Variants in GRIN2B observed in about 807,000 individuals in gnomAD.
GRIN2B encodes glutamate receptor ionotropic, NMDA 2B.
In GRIN2B, 5 loss-of-function variants were observed where a neutral mutation model predicts 114.5. That is an observed-to-expected ratio of 0.04 (90% CI 0.02 to 0.09). The LOEUF is 0.09. Ranked by LOEUF, GRIN2B falls within the 10% of genes least tolerant of loss-of-function variation. The probability of loss-of-function intolerance (pLI) is 1.00; values close to 1 mark genes in which losing one functional copy is unlikely to be tolerated. For missense variants in GRIN2B, 1,108 were observed against 1,943.5 expected, an observed-to-expected ratio of 0.57 and a Z score of 8.08; for synonymous variants, 787 against 745.1, an observed-to-expected ratio of 1.06 and a Z score of -0.92.
chr12:13,603,468 C>T (rs1193856854), intron 10 of GRIN2B, among the ~76,000 whole-genome samples: 1 of 152,046 alleles, frequency 6.6e-6, no homozygotes, highest in Non-Finnish European at 1.5e-5. Context: ...TTAACCTCAC[C>T]AAGCTTCAGT....
chr12:13,750,201 T>C (rs2268123), intron 4 of GRIN2B, among the ~76,000 whole-genome samples: 53,813 of 152,012 alleles, frequency 0.35, 10,656 homozygotes, highest in East Asian at 0.6. Context: ...ATAATCCTTA[T>C]TCCCTGTAGG....
In GRIN2B at chr12:13,564,225, C is replaced by G. The variant is rs746372193; in HGVS notation, c.3013G>C (p.Asp1005His). 3.1e-6 allele frequency: 5 copies of G among 1,614,118 alleles called. No homozygotes were observed. Among genetic ancestry groups the G allele is most frequent in the Non-Finnish European group, 4.2e-6 (5 of 1,180,026 alleles). The change falls in exon 14 of 14, where the codon GAC (aspartate) becomes CAC (histidine). Residue 1005 changes from aspartate to histidine, a missense_variant. Physicochemically the swap from Asp to His is moderately conservative, Grantham distance 81. This residue lies in a region of GRIN2B where 140 missense variants were observed against 187.5 expected (regional missense o/e 0.75). Transcript: ENST00000609686. This position sits in a 1 kb window ranked among gnomAD's most constrained non-coding sequence, Gnocchi z 4.8. Reference sequence around the variant, plus strand: ...GTGGTGAAGGGTGGGTTGTCACAGTCGTAGAGCCCATCGATGGAGCTGGCA... The same window carrying G: ...GTGGTGAAGGGTGGGTTGTCACAGTGGTAGAGCCCATCGATGGAGCTGGCA... ...GSASSIDGLY[D>H]CDNPPFTTQS...
intron 3 of GRIN2B, among the ~76,000 whole-genome samples, chr12:13,825,888 T>C (rs1459626949): frequency 6.6e-6 from 1 of 152,138 alleles, no homozygotes; most frequent in East Asian, 1.9e-4. Context: ...TATAGTTGGG[T>C]CTTGCTTTGT....
At chr12:13,763,868 A>T (rs921082805) in intron 3 of GRIN2B, among the ~76,000 whole-genome samples, 6 of 152,282 alleles carry the variant, frequency 3.9e-5, no homozygotes, top group African/African-American at 1.4e-4. Context: ...TGTTTTCTTT[A>T]TACTGAAAAT....
intron 5 of GRIN2B, among the ~76,000 whole-genome samples, chr12:13,618,972 C>T (rs1949482014): frequency 8.5e-6 from 1 of 117,860 alleles, no homozygotes; most frequent in Non-Finnish European, 1.8e-5. Flanking sequence ...AGTTTAAAAT[C>T]TGTACCCAAA....
intron 10 of GRIN2B, among the ~76,000 whole-genome samples, chr12:13,595,428 G>C (rs556489807): frequency 6.6e-6 from 1 of 152,146 alleles, no homozygotes; most frequent in Non-Finnish European, 1.5e-5. Context: ...ATGGTTGTCA[G>C]ACCACAGGGA....
intron 3 of GRIN2B, among the ~76,000 whole-genome samples, chr12:13,758,090 GAC>G (rs1183438116): frequency 1.4e-4 from 21 of 152,272 alleles, no homozygotes; most frequent in Non-Finnish European, 2.9e-4. Context: ...GGGACTGAAT[GAC>G]TGGCTGTTAC....
At chr12:13,953,832 T>C (rs1425949772) in intron 2 of GRIN2B, among the ~76,000 whole-genome samples, 1 of 152,212 alleles carries the variant, frequency 6.6e-6, no homozygotes, top group African/African-American at 2.4e-5. Context: ...CCCATTTAGC[T>C]TTCAGCTCTT....
At chr12:13,568,485 A>G (rs1298218121) in intron 12 of GRIN2B, among the ~76,000 whole-genome samples, 1 of 152,188 alleles carries the variant, frequency 6.6e-6, no homozygotes, top group African/African-American at 2.4e-5. Flanking sequence ...TCTTATACCA[A>G]AATGGCTTGG....
intron 4 of GRIN2B, among the ~76,000 whole-genome samples, chr12:13,689,481 A>G (rs568296210): frequency 3.9e-5 from 6 of 152,230 alleles, no homozygotes; most frequent in Non-Finnish European, 5.9e-5. Context: ...TTTCTTTACA[A>G]AATGATTCTT....
In GRIN2B at chr12:13,701,684, T is replaced by C. The variant is rs78457833; in HGVS notation, c.1011-25825A>G. On this transcript the variant is annotated intron_variant, in intron 4 of 13. Transcript: ENST00000609686. ...ATCACAATGGAAGGTTTTGTTTTGA[T>C]GATGAAGACTGGATGACTAGCACAA... Among the ~76,000 whole-genome samples, 20 of 152,286 alleles carry C rather than the reference T, an allele frequency of 1.3e-4. No individual in the cohort carries two copies. In the East Asian group the frequency reaches 3.9e-3, roughly 29 times the overall value.
intron 3 of GRIN2B, among the ~76,000 whole-genome samples, chr12:13,832,588 C>G (rs1003421822): frequency 9.9e-5 from 15 of 152,208 alleles, no homozygotes; most frequent in African/African-American, 3.4e-4. Context: ...TTTAACCTGC[C>G]TTTTTCATGT....
chr12:13,798,312 A>T (rs1370827905), intron 3 of GRIN2B, among the ~76,000 whole-genome samples: 1 of 151,420 alleles, frequency 6.6e-6, no homozygotes, highest in African/African-American at 2.4e-5. Flanking sequence ...AAAAAAAGTC[A>T]GTGTTGCAAT....
At chr12:13,829,610 G>T (rs1366014056) in intron 3 of GRIN2B, among the ~76,000 whole-genome samples, 1 of 152,180 alleles carries the variant, frequency 6.6e-6, no homozygotes, top group East Asian at 1.9e-4. Context: ...CTAAGTCTTG[G>T]TTGAGTATTT....
intron 5 of GRIN2B, among the ~76,000 whole-genome samples, chr12:13,662,720 T>C (rs1949936587): frequency 6.6e-6 from 1 of 152,110 alleles, no homozygotes; most frequent in Non-Finnish European, 1.5e-5. Flanking sequence ...ATCGGCCTCG[T>C]GTCAGGGAAT....
chr12:13,849,889 C>G (rs994302472), intron 3 of GRIN2B, among the ~76,000 whole-genome samples: 5 of 152,190 alleles, frequency 3.3e-5, no homozygotes, highest in African/African-American at 1.2e-4. Flanking sequence ...ATTTACTTCT[C>G]TCATGCATTG....
In GRIN2B at chr12:13,751,422, CATGT is replaced by C. The variant is rs542104914; in HGVS notation, c.1010+1891_1010+1894del. Among the ~76,000 whole-genome samples, 3 of 152,188 alleles carry C rather than the reference CATGT, an allele frequency of 2.0e-5. No homozygotes were observed. In the South Asian group the frequency reaches 6.2e-4, roughly 32 times the overall value. On this transcript the variant is annotated intron_variant, in intron 4 of 13. Coordinates refer to ENST00000609686, the MANE Select transcript of GRIN2B (RefSeq NM_000834.5). ...TCATGTAAGAAGCCCTGTAGTAATG[CATGT>C]GAGAAAAAATGGACTGGGATGTTGT...
At chr12:13,818,690 C>T in intron 3 of GRIN2B, among the ~76,000 whole-genome samples, 1 of 152,170 alleles carries the variant, frequency 6.6e-6, no homozygotes, top group East Asian at 1.9e-4. Flanking sequence ...AGAGAACATC[C>T]ATTCTCTTAA....
intron 10 of GRIN2B, among the ~76,000 whole-genome samples, chr12:13,604,001 G>A (rs1949202911): frequency 6.6e-6 from 1 of 152,100 alleles, no homozygotes; most frequent in African/African-American, 2.4e-5. Context: ...CTAGTGCCCA[G>A]CAAATATGTC....
Sources: gnomAD v4.1 joint callset for allele counts (sites outside exome capture counted in the v4.1 genomes callset) on GRCh38, gnomAD v4.1.1 for gene constraint, gnomAD v4.1.1 regional missense constraint, Gnocchi (gnomAD v3.1) non-coding constraint, MANE v1.5 for transcripts, NCBI Gene and HGNC (gene_info 2026-07-23, HGNC 2026-07-21) for gene names.